Variants in RFX3 observed in about 807,000 individuals in gnomAD.
RFX3 encodes the protein regulatory factor X3.
In RFX3, 14 loss-of-function variants were observed where a neutral mutation model predicts 98.6. That is an observed-to-expected ratio of 0.14 (90% CI 0.09 to 0.22). The LOEUF is 0.22. Ranked by LOEUF, RFX3 falls within the 10% of genes least tolerant of loss-of-function variation. RFX3 has a pLI of 1.00. For missense variants in RFX3, 639 were observed against 926.9 expected (o/e 0.69, Z 4.03); for synonymous variants, 383 against 328.4 (o/e 1.17, Z -1.80).
At chr9:3,427,245 AAT>A (rs913950265) in intron 1 of RFX3, among the ~76,000 whole-genome samples, 33 of 144,260 alleles carry the variant, frequency 2.3e-4, no homozygotes, top group East Asian at 3.9e-4. Flanking sequence ...ATATAAATAA[AAT>A]ATATATATAA....
chr9:3,505,192 AT>A (rs1399894915), intron 1 of RFX3, among the ~76,000 whole-genome samples: 1 of 95,702 alleles, frequency 1.0e-5, no homozygotes, highest in Non-Finnish European at 1.8e-5. Context: ...ATATATATGA[AT>A]ATATATTTAT....
intron 3 of RFX3, among the ~76,000 whole-genome samples, chr9:3,334,201 T>C (rs924530828): frequency 6.6e-6 from 1 of 152,214 alleles, no homozygotes; most frequent in Non-Finnish European, 1.5e-5. Flanking sequence ...CCTGTTGCTA[T>C]TTGAGATTTC....
chr9:3,335,048 G>T (rs1228413719), intron 3 of RFX3, among the ~76,000 whole-genome samples: 1 of 152,040 alleles, frequency 6.6e-6, no homozygotes, highest in Non-Finnish European at 1.5e-5. Context: ...GAACCTGGGA[G>T]GTGGAGGTTG....
At chr9:3,436,582 A>G (rs1264844010) in intron 1 of RFX3, among the ~76,000 whole-genome samples, 1 of 152,146 alleles carries the variant, frequency 6.6e-6, no homozygotes, top group Admixed American at 6.6e-5. Flanking sequence ...ATCAATGGAC[A>G]CTTAGTTCCA....
intron 3 of RFX3, among the ~76,000 whole-genome samples, chr9:3,338,810 C>T (rs911032970): frequency 1.3e-5 from 2 of 152,178 alleles, no homozygotes; most frequent in African/African-American, 4.8e-5. Context: ...TTATTCTAGG[C>T]CAGGCACGGT....
At chr9:3,493,641 G>C (rs1027660199) in intron 1 of RFX3, among the ~76,000 whole-genome samples, 9 of 142,174 alleles carry the variant, frequency 6.3e-5, no homozygotes, top group Non-Finnish European at 1.4e-4. Flanking sequence ...CCAAGATGGC[G>C]CCACTGCACT....
At chr9:3,427,464 TA>T (rs1477403110) in intron 1 of RFX3, among the ~76,000 whole-genome samples, 2 of 144,634 alleles carry the variant, frequency 1.4e-5, no homozygotes, top group Admixed American at 1.4e-4. Context: ...ATACAATATA[TA>T]AATATATATT....
At chr9:3,413,535 A>C (rs1842643134) in intron 1 of RFX3, among the ~76,000 whole-genome samples, 1 of 152,130 alleles carries the variant, frequency 6.6e-6, no homozygotes, top group African/African-American at 2.4e-5. Flanking sequence ...AGTTTAACTT[A>C]ACAAGACAAT....
chr9:3,378,236 A>C (rs1344395090), intron 2 of RFX3, among the ~76,000 whole-genome samples: 1 of 152,212 alleles, frequency 6.6e-6, no homozygotes, highest in African/African-American at 2.4e-5. Flanking sequence ...GAAGAATTGG[A>C]CAGGTACTCA....
At chr9:3,422,236 T>G (rs560578525) in intron 1 of RFX3, among the ~76,000 whole-genome samples, 2 of 152,220 alleles carry the variant, frequency 1.3e-5, no homozygotes, top group African/African-American at 4.8e-5. Flanking sequence ...AAAACTAGTC[T>G]TGTTTCAGCC....
intron 1 of RFX3, among the ~76,000 whole-genome samples, chr9:3,429,922 C>T (rs545830377): frequency 5.5e-4 from 84 of 152,274 alleles, no homozygotes; most frequent in Non-Finnish European, 1.0e-3. Flanking sequence ...AACCCACGGC[C>T]CACTTGCAGA....
chr9:3,418,180 C>A (rs1434596437), intron 1 of RFX3, among the ~76,000 whole-genome samples: 1 of 152,120 alleles, frequency 6.6e-6, no homozygotes, highest in South Asian at 2.1e-4. Context: ...ACTTAAGTAG[C>A]AATGCCTTAG....
chr9:3,478,680 A>G (rs1849480614), intron 1 of RFX3, among the ~76,000 whole-genome samples: 1 of 152,110 alleles, frequency 6.6e-6, no homozygotes, highest in Non-Finnish European at 1.5e-5. Flanking sequence ...CTCCTTTCCC[A>G]GGTCATTTCC....
chr9:3,317,005 T>C (rs1330803600), intron 4 of RFX3, among the ~76,000 whole-genome samples: 7 of 152,118 alleles, frequency 4.6e-5, no homozygotes, highest in Admixed American at 2.0e-4. Context: ...CTTCACAGAA[T>C]TGGAAAAAAC....
intron 4 of RFX3, among the ~76,000 whole-genome samples, chr9:3,316,462 G>A (rs1830602803): frequency 6.6e-6 from 1 of 152,102 alleles, no homozygotes; most frequent in Admixed American, 6.6e-5. Context: ...TTGAAAACTG[G>A]CACAAGACAG....
intron 1 of RFX3, among the ~76,000 whole-genome samples, chr9:3,469,960 A>T (rs1848632228): frequency 1.3e-5 from 2 of 152,094 alleles, no homozygotes; most frequent in Admixed American, 1.3e-4. Context: ...TGCCACAAGC[A>T]CCCCTGCAAT....
chr9:3,406,278 G>C (rs1841966118), intron 1 of RFX3, among the ~76,000 whole-genome samples: 1 of 151,674 alleles, frequency 6.6e-6, no homozygotes, highest in African/African-American at 2.4e-5. Flanking sequence ...GGGGACATTT[G>C]AACAGGCAGT....
chr9:3,363,060 G>C (rs976711730), intron 2 of RFX3, among the ~76,000 whole-genome samples: 2 of 152,180 alleles, frequency 1.3e-5, no homozygotes, highest in African/African-American at 2.4e-5. Flanking sequence ...ACTGTATTAA[G>C]CATTATTTCC....
chr9:3,246,490 T>A (rs1456781879), intron 15 of RFX3, among the ~76,000 whole-genome samples: 1 of 152,124 alleles, frequency 6.6e-6, no homozygotes, highest in Non-Finnish European at 1.5e-5. Flanking sequence ...CACATGGTGT[T>A]AATGAGAATC....
Sources: gnomAD v4.1 joint callset for allele counts (sites outside exome capture counted in the v4.1 genomes callset) on GRCh38, gnomAD v4.1.1 for gene constraint, MANE v1.5 for transcripts, NCBI Gene and HGNC (gene_info 2026-07-23, HGNC 2026-07-21) for gene names.